Variants in EPHA8 observed in about 807,000 individuals in gnomAD.
The protein encoded by EPHA8 is EPH receptor A8.
EPHA8 carries 58 observed loss-of-function variants against 103.6 expected under a neutral mutation model. The observed-to-expected ratio is 0.56, with a 90% CI of 0.45 to 0.70. The LOEUF is 0.70. Among genes scored for constraint, EPHA8 ranks in the 30% least tolerant of loss-of-function variants. The pLI, the probability that EPHA8 is intolerant of heterozygous loss-of-function variation, is 0.00. For synonymous variants in EPHA8, 559 were observed against 572.5 expected (o/e 0.98, Z 0.34); for missense variants, 1,304 against 1,395.2 (o/e 0.93, Z 1.04).
At chr1:22,578,782 GGCATATGTATGTGTGCGTGTGT>G in intron 3 of EPHA8, among the ~76,000 whole-genome samples, 1 of 144,030 alleles carries the variant, frequency 6.9e-6, no homozygotes, top group Non-Finnish European at 1.5e-5. Context: ...TGTACGTGTG[GGCATATGTATGTGTGCGTGTGT>G]GCATGTATGT....
rs200365278 is a variant in EPHA8 at position 22,578,978 on chromosome 1, TGA to T, written c.823+2100_823+2101del. On this transcript the variant is annotated intron_variant, in intron 3 of 16. Transcript: ENST00000166244. ...GTGTCCATGTGTATGTTCATGTGTG[TGA>T]GTGTATGTGTGCATGTGTATATGCA... Among the ~76,000 whole-genome samples, 181 of 145,228 alleles carry T rather than the reference TGA, an allele frequency of 1.2e-3. 3 individuals carry two copies. The East Asian group carries it at 0.025, about 20-fold the overall frequency.
chr1:22,576,341 G>A lies in EPHA8; in HGVS notation c.284G>A (p.Arg95Gln), dbSNP rs148846897. The stretch of plus-strand genomic sequence containing the variant: ...AGCTGGGTCCCCCGAGACGGCGCCC[G>A]GCGCGTCTATGCTGAGATCAAGTTT... ...RTSWVPRDGA[R>Q]RVYAEIKFTL... is the part of the protein sequence containing the mutation. Residue 95 changes from arginine (R) to glutamine (Q), a missense_variant, in exon 3 of 17, where the codon CGG (arginine) becomes CAG (glutamine). By Grantham distance (43) the Arg-to-Gln change is conservative. Transcript: ENST00000166244. This position sits in a 1 kb window ranked among gnomAD's most constrained non-coding sequence, Gnocchi z 4.8. 45 of 1,613,644 alleles carry A rather than the reference G, an allele frequency of 2.8e-5. No individual in the cohort carries two copies. The highest frequency in any genetic ancestry group is 3.5e-5 in the Non-Finnish European group (41 of 1,180,004).
chr1:22,601,742 T>C lies in EPHA8; in HGVS notation c.*1T>C. ...CCAGGGGCCCCGCCGGCACCTCTGA[T>C]GTACAGCCAGCAGGGCCCAGGCAGC... is the stretch of plus-strand genomic sequence containing the variant. On this transcript the variant is annotated 3_prime_UTR_variant, in exon 17 of 17. Coordinates refer to ENST00000166244, the MANE Select transcript of EPHA8 (RefSeq NM_020526.5). The C allele has an allele frequency of 6.4e-7, 1 of 1,556,032 alleles. No individual in the cohort carries two copies. The highest frequency in any genetic ancestry group is 1.2e-5 in the South Asian group (1 of 84,604).
Position 22,567,300 on chromosome 1 carries a change from G to T in EPHA8, c.95-1989G>T, listed in dbSNP as rs995885715. Reference sequence around the variant, plus strand: ...CTTCCCTCACCATCTCCCCAAACTCGGCTTTGCTGGTCTGGGGGAAACTGC... The same window carrying T: ...CTTCCCTCACCATCTCCCCAAACTCTGCTTTGCTGGTCTGGGGGAAACTGC... On this transcript the variant is annotated intron_variant, in intron 1 of 16. Transcript: ENST00000166244. The surrounding 1 kb of genome is among the most constrained non-coding windows in gnomAD (Gnocchi z 4.2). Among the ~76,000 whole-genome samples, 3 of 152,230 alleles carry T rather than the reference G, an allele frequency of 2.0e-5. No homozygotes were observed. The highest frequency in any genetic ancestry group is 2.1e-4 in the South Asian group (1 of 4,822).
rs765399597 is a variant in EPHA8 at position 22,600,815 on chromosome 1, G to A, written c.2538+5G>A. 6.9e-6 allele frequency: 11 copies of A among 1,603,504 alleles called. No homozygotes were observed. The African/African-American group carries it at 1.2e-4, about 18-fold the overall frequency. ...TGGAACATGACCAACCGGGATGTGA[G>A]TGCCAAGCCCTGGCAGGTCCGCGGG... On this transcript the variant is annotated splice_donor_5th_base_variant and intron_variant, in intron 14 of 16. Coordinates refer to ENST00000166244, the MANE Select transcript of EPHA8 (RefSeq NM_020526.5).
chr1:22,582,681 G>A (rs1641077522), intron 3 of EPHA8, among the ~76,000 whole-genome samples: 1 of 152,084 alleles, frequency 6.6e-6, no homozygotes, highest in Non-Finnish European at 1.5e-5. Context: ...CCCAGAGGAA[G>A]CTCCCCACAC....
Position 22,597,597 on chromosome 1 carries a change from G to A in EPHA8, c.1931-79G>A. On this transcript the variant is annotated intron_variant, in intron 10 of 16. Coordinates refer to ENST00000166244, the MANE Select transcript of EPHA8 (RefSeq NM_020526.5). The surrounding 1 kb of genome is among the most constrained non-coding windows in gnomAD (Gnocchi z 4.6). The stretch of plus-strand genomic sequence containing the variant: ...CCCAGGGGTCTGGCAAGCCCAGGGG[G>A]TCCAAGGGCCTGGGAGGCTGGGGGA... 8 of 1,548,868 alleles carry A rather than the reference G, an allele frequency of 5.2e-6. No homozygotes were observed. Among genetic ancestry groups the A allele is most frequent in the African/African-American group, 1.4e-5 (1 of 73,432 alleles).
chr1:22,578,203 C>CATGTGTGTGCGTGCAT (rs144731324), intron 3 of EPHA8, among the ~76,000 whole-genome samples: 1 of 77,098 alleles, frequency 1.3e-5, no homozygotes, highest in Admixed American at 1.7e-4. Flanking sequence ...TGTGTGCGTG[C>CATGTGTGTGCGTGCAT]GAGTGTGTGC....
At chr1:22,600,081 A>G (rs1202676479) in intron 13 of EPHA8, among the ~76,000 whole-genome samples, 21 of 88,610 alleles carry the variant, frequency 2.4e-4, no homozygotes, top group African/African-American at 4.8e-4. Context: ...GGGAGGAAGG[A>G]AGGGAGGGAG....
rs759275181 is a variant in EPHA8 at position 22,589,161 on chromosome 1, G to A, written c.1270G>A (p.Glu424Lys). The change falls in exon 5 of 17, where the codon GAG (glutamate) becomes AAG (lysine). Residue 424 changes from glutamate (E) to lysine (K), a missense_variant. Transcript: ENST00000166244. This position sits in a 1 kb window ranked among gnomAD's most constrained non-coding sequence, Gnocchi z 4.3. ...CAATGGCGTGTCCGACCTGAGCCCC[G>A]AGCCCCGCCGGGCCGCTGTGGTCAA... ...AVNGVSDLSP[E>K]PRRAAVVNIT... 85 of 1,613,682 alleles carry A rather than the reference G, an allele frequency of 5.3e-5. No individual in the cohort carries two copies. The highest frequency in any genetic ancestry group is 1.8e-4 in the East Asian group (8 of 44,890).
At chr1:22,571,975 T>C (rs545680938) in intron 2 of EPHA8, among the ~76,000 whole-genome samples, 3 of 152,142 alleles carry the variant, frequency 2.0e-5, no homozygotes, top group Non-Finnish European at 4.4e-5. Context: ...AGGTCAAGGC[T>C]GCAGTGAGCC....
At chr1:22,579,215 G>C (rs1263205802) in intron 3 of EPHA8, among the ~76,000 whole-genome samples, 3 of 151,472 alleles carry the variant, frequency 2.0e-5, no homozygotes, top group Non-Finnish European at 1.5e-5. Context: ...GTGCATGTGT[G>C]TGTATGTATG....
chr1:22,573,921 A>G (rs879940682), intron 2 of EPHA8, among the ~76,000 whole-genome samples: 6 of 152,238 alleles, frequency 3.9e-5, no homozygotes, highest in Non-Finnish European at 8.8e-5. Context: ...CCCTCAGCTC[A>G]TCACCCTGCA....
intron 1 of EPHA8, among the ~76,000 whole-genome samples, chr1:22,565,894 C>CA (rs1301562592): frequency 3.3e-5 from 5 of 152,202 alleles, no homozygotes; most frequent in African/African-American, 4.8e-5. Context: ...CCACACGAGT[C>CA]AGACAGCCAT....
chr1:22,587,618 C>T (rs1268193052), intron 4 of EPHA8, among the ~76,000 whole-genome samples: 1 of 152,202 alleles, frequency 6.6e-6, no homozygotes, highest in African/African-American at 2.4e-5. Flanking sequence ...GGGGAGGGAC[C>T]ACAGCCTGCT....
rs182575367 is a variant in EPHA8 at position 22,590,420 on chromosome 1, G to C, written c.1315+1214G>C. Among the ~76,000 whole-genome samples the C allele has an allele frequency of 2.0e-5, 3 of 152,074 alleles. No individual in the cohort carries two copies. In the South Asian group the frequency reaches 6.2e-4, roughly 32 times the overall value. On this transcript the variant is annotated intron_variant, in intron 5 of 16. Coordinates refer to ENST00000166244, the MANE Select transcript of EPHA8 (RefSeq NM_020526.5). ...ACGACCCTCTCTGTCCGTGCCTGGC[G>C]TATCTACTTCTTCCTCTCCTCTGCG...
rs1640720584 is a variant in EPHA8, at chr1:22,576,828, CG to C, written c.773del (p.Gly258AlafsTer76). 1 of 1,609,898 alleles carries C rather than the reference CG, an allele frequency of 6.2e-7. No homozygotes were observed. The highest frequency in any genetic ancestry group is 1.1e-5 in the South Asian group (1 of 90,912). Reference sequence around the variant, plus strand: ...CGGAGGGCGAGTGGCTCGTGCCCATCGGCAAATGCGTGTGCAGTGCCGGCTA... The same window carrying C: ...CGGAGGGCGAGTGGCTCGTGCCCATCGCAAATGCGTGTGCAGTGCCGGCTA... ...SAEGEWLVPI[G>X]KCVCSAGYEE... On this transcript the variant is annotated frameshift_variant, in exon 3 of 17. Coordinates refer to ENST00000166244, the MANE Select transcript of EPHA8 (RefSeq NM_020526.5). LOFTEE classifies it high-confidence loss of function. The surrounding 1 kb of genome is among the most constrained non-coding windows in gnomAD (Gnocchi z 4.8).
intron 2 of EPHA8, among the ~76,000 whole-genome samples, chr1:22,570,899 T>C (rs775730218): frequency 6.6e-6 from 1 of 152,152 alleles, no homozygotes; most frequent in Non-Finnish European, 1.5e-5. Flanking sequence ...CGCGTGAGCG[T>C]GGTGTGGAAG....
chr1:22,579,128 T>G (rs564580807), intron 3 of EPHA8, among the ~76,000 whole-genome samples: 242 of 127,228 alleles, frequency 1.9e-3, no homozygotes, highest in Non-Finnish European at 3.6e-3. Context: ...CGTGTATGTG[T>G]GCATGTGTGT....
Sources: gnomAD v4.1 joint callset for allele counts (sites outside exome capture counted in the v4.1 genomes callset) on GRCh38, gnomAD v4.1.1 for gene constraint, Gnocchi (gnomAD v3.1) non-coding constraint, MANE v1.5 for transcripts, NCBI Gene and HGNC (gene_info 2026-07-23, HGNC 2026-07-21) for gene names.